TMTC1: variants seen among roughly 807,000 people sequenced by gnomAD.
The protein encoded by TMTC1 is transmembrane O-mannosyltransferase targeting cadherins 1.
Under a neutral mutation model 104.8 loss-of-function variants are expected in TMTC1, and 73 were observed. The observed-to-expected ratio is 0.70, with a 90% CI of 0.58 to 0.85. The LOEUF (loss-of-function observed/expected upper bound fraction) is 0.85, where lower values mean the gene tolerates loss of function less well. TMTC1 is among the 40% of genes least tolerant of loss of function. TMTC1 has a pLI of 0.00. For synonymous variants in TMTC1, 434 were observed against 428.7 expected (o/e 1.01, Z -0.15); for missense variants, 1,035 against 1,096.1 (o/e 0.94, Z 0.79).
intron 1 of TMTC1, among the ~76,000 whole-genome samples, chr12:29,777,938 C>T (rs780570860): frequency 6.6e-5 from 10 of 152,166 alleles, no homozygotes; most frequent in Non-Finnish European, 1.2e-4. Flanking sequence ...AACATATCAC[C>T]GTTTCTTTAA....
At chr12:29,729,838 TA>T (rs1429393441) in intron 5 of TMTC1, among the ~76,000 whole-genome samples, 1 of 152,108 alleles carries the variant, frequency 6.6e-6, no homozygotes, top group Non-Finnish European at 1.5e-5. Context: ...GAAAGTAAAA[TA>T]AAAAGGACAA....
intron 5 of TMTC1, among the ~76,000 whole-genome samples, chr12:29,706,700 A>G (rs1173838225): frequency 1.3e-5 from 2 of 152,192 alleles, no homozygotes; most frequent in Non-Finnish European, 2.9e-5. Context: ...AATTATTTTT[A>G]TACTCTGGGG....
chr12:29,709,333 A>G (rs1274623127), intron 5 of TMTC1, among the ~76,000 whole-genome samples: 1 of 152,214 alleles, frequency 6.6e-6, no homozygotes, highest in East Asian at 1.9e-4. Flanking sequence ...TGGAAATAAT[A>G]AAAATTTTAA....
At chr12:29,733,668 C>T (rs1367474769) in intron 5 of TMTC1, among the ~76,000 whole-genome samples, 2 of 152,156 alleles carry the variant, frequency 1.3e-5, no homozygotes, top group African/African-American at 4.8e-5. Flanking sequence ...TGTCACTCTC[C>T]TAGCTGCAAC....
intron 2 of TMTC1, among the ~76,000 whole-genome samples, chr12:29,759,870 C>A (rs1304671982): frequency 6.6e-6 from 1 of 151,988 alleles, no homozygotes; most frequent in African/African-American, 2.4e-5. Context: ...ATAAATGGTA[C>A]AATAATATAT....
intron 7 of TMTC1, among the ~76,000 whole-genome samples, chr12:29,592,843 A>C (rs1307343288): frequency 6.6e-6 from 1 of 152,220 alleles, no homozygotes; most frequent in Non-Finnish European, 1.5e-5. Flanking sequence ...ACTGTTAGGC[A>C]ATTATTTTTC....
chr12:29,713,591 G>A (rs953566395), intron 5 of TMTC1, among the ~76,000 whole-genome samples: 3 of 151,994 alleles, frequency 2.0e-5, no homozygotes, highest in Non-Finnish European at 2.9e-5. Context: ...TATCACCACC[G>A]ATCTCATCAA....
At chr12:29,721,893 A>C (rs916453610) in intron 5 of TMTC1, among the ~76,000 whole-genome samples, 109 of 152,142 alleles carry the variant, frequency 7.2e-4, no homozygotes, top group Middle Eastern at 3.4e-3. Flanking sequence ...ACATTAACAT[A>C]AATTTTATAA....
chr12:29,537,952 A>G (rs1183856551), intron 10 of TMTC1, among the ~76,000 whole-genome samples: 1 of 152,180 alleles, frequency 6.6e-6, no homozygotes, highest in African/African-American at 2.4e-5. Flanking sequence ...AATGAAGCAA[A>G]TATTTATCAT....
At chr12:29,654,115 A>G (rs529313277) in intron 5 of TMTC1, among the ~76,000 whole-genome samples, 1 of 152,118 alleles carries the variant, frequency 6.6e-6, no homozygotes, top group African/African-American at 2.4e-5. Flanking sequence ...TAAAAAACTT[A>G]CATGCTTCAA....
chr12:29,551,709 T>C (rs1945109335), intron 10 of TMTC1, among the ~76,000 whole-genome samples: 1 of 152,136 alleles, frequency 6.6e-6, no homozygotes, highest in Non-Finnish European at 1.5e-5. Flanking sequence ...TATTCTATTA[T>C]ATTCTGTTGA....
intron 5 of TMTC1, among the ~76,000 whole-genome samples, chr12:29,720,806 T>C (rs1400035425): frequency 2.0e-5 from 3 of 152,048 alleles, no homozygotes; most frequent in Non-Finnish European, 4.4e-5. Context: ...GGTTCAGGAT[T>C]CCTAACATAT....
At chr12:29,778,973 A>G (rs1269220645) in intron 1 of TMTC1, among the ~76,000 whole-genome samples, 1 of 152,250 alleles carries the variant, frequency 6.6e-6, no homozygotes, top group African/African-American at 2.4e-5. Flanking sequence ...GGAACCCACA[A>G]GGATGAGCTA....
intron 5 of TMTC1, among the ~76,000 whole-genome samples, chr12:29,680,721 G>C (rs1940886103): frequency 6.6e-6 from 1 of 152,128 alleles, no homozygotes; most frequent in Non-Finnish European, 1.5e-5. Flanking sequence ...TGTGAACACT[G>C]GAAGCCTGTG....
chr12:29,522,642 G>C (rs890775111), intron 11 of TMTC1, among the ~76,000 whole-genome samples: 5 of 152,062 alleles, frequency 3.3e-5, no homozygotes, highest in South Asian at 2.1e-4. Flanking sequence ...TTAACATCTA[G>C]AGAGTACCAT....
Position 29,783,501 on chromosome 12 carries a change from G to A in TMTC1, c.251C>T (p.Ala84Val). Residue 84 changes from alanine (A) to valine (V), a missense_variant, in exon 1 of 18, where the codon GCC becomes GTC. Ala to Val is a moderately conservative substitution (Grantham distance 64). Transcript: ENST00000539277. The surrounding 1 kb of genome is among the most constrained non-coding windows in gnomAD (Gnocchi z 4.7). ...GTAGGACTTGTGGCTGGTGTTCTCG[G>A]CCATGCCCTTGCCCCAGAAGTCGTT... ...FTNDFWGKGM[A>V]ENTSHKSYRP... The A allele has an allele frequency of 7.0e-7, 1 of 1,420,416 alleles. No individual in the cohort carries two copies. The highest frequency in any genetic ancestry group is 9.2e-7 in the Non-Finnish European group (1 of 1,083,244). 88.0% of individuals were successfully genotyped at this position (1,420,416 alleles called of 1,614,324 possible). A position where few individuals can be genotyped will look rare whatever the true frequency, so the allele number is the denominator to read the frequency against.
chr12:29,638,773 T>TC (rs1938690897), intron 5 of TMTC1, among the ~76,000 whole-genome samples: 1 of 151,964 alleles, frequency 6.6e-6, no homozygotes, highest in South Asian at 2.1e-4. Context: ...ATCGAGCCAC[T>TC]CCCCCATCAC....
chr12:29,721,475 G>A (rs1311552708), intron 5 of TMTC1, among the ~76,000 whole-genome samples: 2 of 151,998 alleles, frequency 1.3e-5, no homozygotes, highest in Non-Finnish European at 2.9e-5. Flanking sequence ...TAGAGAAAAG[G>A]TTCTAATCAC....
intron 7 of TMTC1, among the ~76,000 whole-genome samples, chr12:29,596,736 T>C (rs1171859880): frequency 3.9e-5 from 6 of 152,216 alleles, no homozygotes; most frequent in African/African-American, 1.4e-4. Context: ...GCCCCTCTAC[T>C]GCATTGTACT....
Sources: allele counts gnomAD v4.1 joint callset (sites outside exome capture counted in the v4.1 genomes callset), GRCh38; gene constraint gnomAD v4.1.1; non-coding constraint Gnocchi (gnomAD v3.1); transcripts MANE v1.5; gene names NCBI Gene and HGNC (gene_info 2026-07-23, HGNC 2026-07-21).